Variants in MDFIC observed in about 807,000 individuals in gnomAD.
MDFIC encodes myoD family inhibitor domain-containing protein.
Under a neutral mutation model 23.2 loss-of-function variants are expected in MDFIC, and 17 were observed. The observed-to-expected ratio is 0.73, with a 90% CI of 0.50 to 1.10. The LOEUF is 1.10. Among genes scored for constraint, MDFIC ranks in the 50% least tolerant of loss-of-function variants. The probability of loss-of-function intolerance (pLI) is 0.00; values close to 1 mark genes in which losing one functional copy is unlikely to be tolerated. For synonymous variants in MDFIC, 120 were observed against 115.2 expected (o/e 1.04, Z -0.27); for missense variants, 356 against 316.6 (o/e 1.12, Z -0.95).
At chr7:114,966,074 CAT>C (rs1793089299) in intron 3 of MDFIC, among the ~76,000 whole-genome samples, 1 of 152,224 alleles carries the variant, frequency 6.6e-6, no homozygotes, top group East Asian at 1.9e-4. Flanking sequence ...TAGTGTTTCA[CAT>C]GTTTGCCAGA....
In MDFIC at chr7:114,924,623, A is replaced by G. The variant is rs148892768; in HGVS notation, c.94+1496A>G. On this transcript the variant is annotated intron_variant, in intron 2 of 4. Transcript: ENST00000393486. ...GGTACAACACACGTTATCAGTGTAG[A>G]AACTCTTGGGTTATATTTTACCTGA... 3.7e-3 allele frequency among the ~76,000 whole-genome samples: 568 copies of G among 152,310 alleles called. 6 individuals are homozygous for G. The highest frequency in any genetic ancestry group is 0.013 in the African/African-American group (553 of 41,556).
intron 4 of MDFIC, among the ~76,000 whole-genome samples, chr7:115,007,129 G>T (rs1313796900): frequency 6.6e-6 from 1 of 152,130 alleles, no homozygotes; most frequent in African/African-American, 2.4e-5. Context: ...TTGAGCTGTG[G>T]TCAGAGCCTT....
intron 4 of MDFIC, among the ~76,000 whole-genome samples, chr7:114,987,822 T>C (rs553272678): frequency 1.3e-5 from 2 of 152,300 alleles, no homozygotes; most frequent in South Asian, 2.1e-4. Flanking sequence ...AAAGCAATTA[T>C]CCATCAGAAG....
intron 2 of MDFIC, among the ~76,000 whole-genome samples, chr7:114,931,023 A>G (rs1487176710): frequency 6.6e-6 from 1 of 152,090 alleles, no homozygotes; most frequent in Admixed American, 6.5e-5. Context: ...ATGCACCAGT[A>G]TTTTGGATAC....
Position 115,019,317 on chromosome 7 carries a change from T to C in MDFIC, c.*3382T>C, listed in dbSNP as rs748388706. On this transcript the variant is annotated 3_prime_UTR_variant, in exon 5 of 5. Transcript: ENST00000393486. ...AGGCTTTTTATTTAGAAAATTATTT[T>C]TTCATTTTTACAGTGTATCAACTGT... is the stretch of plus-strand genomic sequence containing the variant. The C allele has an allele frequency of 3.3e-5, 5 of 152,116 alleles. No homozygotes were observed. Among genetic ancestry groups the C allele is most frequent in the Non-Finnish European group, 5.9e-5 (4 of 67,958 alleles). 9.4% of individuals were successfully genotyped at this position (152,116 alleles called of 1,614,324 possible). A position where few individuals can be genotyped will look rare whatever the true frequency, so the allele number is the denominator to read the frequency against.
At chr7:115,003,542 T>A (rs964281947) in intron 4 of MDFIC, among the ~76,000 whole-genome samples, 1 of 152,194 alleles carries the variant, frequency 6.6e-6, no homozygotes, top group Admixed American at 6.5e-5. Flanking sequence ...TTTCTTGATA[T>A]TTCCTCAAAG....
chr7:114,953,679 T>C (rs190069680), intron 3 of MDFIC, among the ~76,000 whole-genome samples: 1 of 152,320 alleles, frequency 6.6e-6, no homozygotes, highest in Admixed American at 6.5e-5. Flanking sequence ...GTCCCTTCGG[T>C]ATCCATGAAG....
At chr7:114,992,909 G>A (rs10156878) in intron 4 of MDFIC, among the ~76,000 whole-genome samples, 2 of 152,180 alleles carry the variant, frequency 1.3e-5, no homozygotes, top group Non-Finnish European at 2.9e-5. Context: ...GATTGGAATA[G>A]TTTCAGAAGG....
rs894222689 is a variant in MDFIC at position 115,015,818 on chromosome 7, G to T, written c.624G>T (p.Met208Ile). Residue 208 changes from methionine (M) to isoleucine (I), a missense_variant, in exon 5 of 5, where the codon ATG becomes ATT. By Grantham distance (10) the Met-to-Ile change is conservative (BLOSUM62 1). Transcript: ENST00000393486. Reference protein sequence around the residue: ...EACCCCCGDEMGDDCNCPCDM... With the variant: ...EACCCCCGDEIGDDCNCPCDM... ...GCTGCTGTTGCTGTGGTGACGAGAT[G>T]GGGGATGATTGTAACTGCCCTTGTG... The T allele has an allele frequency of 6.2e-7, 1 of 1,614,084 alleles. No homozygotes were observed. Among genetic ancestry groups the T allele is most frequent in the Non-Finnish European group, 8.5e-7 (1 of 1,180,046 alleles).
At chr7:114,962,690 C>G (rs889190899) in intron 3 of MDFIC, among the ~76,000 whole-genome samples, 1 of 152,150 alleles carries the variant, frequency 6.6e-6, no homozygotes. Flanking sequence ...AGGTTGAGAA[C>G]TACTGCTAGA....
At chr7:114,954,440 C>T (rs938685115) in intron 3 of MDFIC, among the ~76,000 whole-genome samples, 25 of 152,216 alleles carry the variant, frequency 1.6e-4, no homozygotes, top group African/African-American at 4.8e-4. Flanking sequence ...ACACATCGGT[C>T]GGTCTTCTCA....
chr7:115,003,847 A>G (rs184959200), intron 4 of MDFIC, among the ~76,000 whole-genome samples: 37 of 152,274 alleles, frequency 2.4e-4, no homozygotes, highest in African/African-American at 1.4e-4. Flanking sequence ...CTTCCCTTTC[A>G]GAGCTCCATC....
chr7:114,963,300 T>C (rs1353211183), intron 3 of MDFIC, among the ~76,000 whole-genome samples: 3 of 152,210 alleles, frequency 2.0e-5, no homozygotes, highest in Admixed American at 1.3e-4. Flanking sequence ...AATTAGGTAA[T>C]AAATATACAT....
At chr7:114,967,933 A>G (rs536385565) in intron 3 of MDFIC, among the ~76,000 whole-genome samples, 38 of 147,682 alleles carry the variant, frequency 2.6e-4, no homozygotes, top group Non-Finnish European at 5.2e-4. Flanking sequence ...GTCTCAAGTG[A>G]TTCTAACAGC....
intron 3 of MDFIC, among the ~76,000 whole-genome samples, chr7:114,979,277 A>G (rs2115958358): frequency 6.6e-6 from 1 of 152,222 alleles, no homozygotes; most frequent in East Asian, 1.9e-4. Flanking sequence ...TCTACTTTTT[A>G]TATCCTTGTA....
chr7:114,940,366 T>G (rs958849295), intron 2 of MDFIC, among the ~76,000 whole-genome samples: 1 of 152,266 alleles, frequency 6.6e-6, no homozygotes. Flanking sequence ...GAAAAATTTT[T>G]GCATGTGCAG....
chr7:114,922,246 C>T lies in MDFIC; in HGVS notation c.-498C>T. On this transcript the variant is annotated 5_prime_UTR_variant, in exon 1 of 5. Coordinates refer to ENST00000393486, the MANE Select transcript of MDFIC (RefSeq NM_001166345.3). Reference sequence around the variant, plus strand: ...GTCGCGCCGCTCCCAGCATCGGGGCCGCTAGCCAAGAGTTCGAGGCCTTCC... The same window carrying T: ...GTCGCGCCGCTCCCAGCATCGGGGCTGCTAGCCAAGAGTTCGAGGCCTTCC... 1.7e-6 allele frequency: 1 copy of T among 600,828 alleles called. No homozygotes were observed. The highest frequency in any genetic ancestry group is 2.4e-6 in the Non-Finnish European group (1 of 412,476). 37.2% of individuals were successfully genotyped at this position (600,828 alleles called of 1,614,324 possible). A position where few individuals can be genotyped will look rare whatever the true frequency, so the allele number is the denominator to read the frequency against.
At chr7:114,966,824 G>A (rs1244729436) in intron 3 of MDFIC, among the ~76,000 whole-genome samples, 1 of 152,186 alleles carries the variant, frequency 6.6e-6, no homozygotes, top group Non-Finnish European at 1.5e-5. Flanking sequence ...ATATGTAGAA[G>A]TTGTATCTGG....
intron 4 of MDFIC, among the ~76,000 whole-genome samples, chr7:115,005,156 T>G (rs1340040467): frequency 2.6e-5 from 4 of 152,230 alleles, no homozygotes; most frequent in African/African-American, 9.6e-5. Flanking sequence ...CATTTTCCCT[T>G]TCCTTGTATG....
Sources: allele counts gnomAD v4.1 joint callset (sites outside exome capture counted in the v4.1 genomes callset), GRCh38; gene constraint gnomAD v4.1.1; transcripts MANE v1.5; gene names NCBI Gene and HGNC (gene_info 2026-07-23, HGNC 2026-07-21).